Variants in NOL8 observed in about 807,000 individuals in gnomAD.
NOL8 encodes the protein nucleolar protein Nop132.
In NOL8, 93 loss-of-function variants were observed where a neutral mutation model predicts 116.1. The observed-to-expected ratio is 0.80, with a 90% CI of 0.68 to 0.95. NOL8 has a LOEUF of 0.95. Among genes scored for constraint, NOL8 ranks in the 40% least tolerant of loss-of-function variants. NOL8 has a pLI of 0.00. For missense variants in NOL8, 1,291 were observed against 1,382.8 expected (o/e 0.93, Z 1.05); for synonymous variants, 419 against 469.0 (o/e 0.89, Z 1.38).
chr9:92,314,120 C>A, intron 7 of NOL8, 147 bp downstream of exon 7: 1 of 1,240,094 alleles, frequency 8.1e-7, no homozygotes, highest in Non-Finnish European at 1.0e-6. Context: ...TCAGATAAAC[C>A]AGATGAAAAA....
intron 13 of NOL8, chr9:92,300,678 G>C (rs1022329807): frequency 9.4e-7 from 1 of 1,068,524 alleles, no homozygotes. Context: ...AGAAAATGAA[G>C]TCTTATTTGC....
chr9:92,303,378 A>G (rs1033592858), intron 12 of NOL8, among the ~76,000 whole-genome samples: 1 of 152,208 alleles, frequency 6.6e-6, no homozygotes, highest in Non-Finnish European at 1.5e-5. Context: ...AGGGGGAAAA[A>G]CAAACATCAT....
chr9:92,299,369 C>G (rs892633207), intron 14 of NOL8, among the ~76,000 whole-genome samples: 3 of 152,198 alleles, frequency 2.0e-5, no homozygotes, highest in African/African-American at 7.2e-5. Flanking sequence ...CTTTTCTATG[C>G]ACAAACTATC....
chr9:92,319,137 T>A (rs1410892181), intron 5 of NOL8, 84 bp downstream of exon 5: 2 of 1,409,130 alleles, frequency 1.4e-6, no homozygotes, highest in Non-Finnish European at 1.9e-6. Context: ...GTAACTGGTT[T>A]TAGACATGAC....
chr9:92,302,286 T>C (rs1837820975), intron 12 of NOL8, among the ~76,000 whole-genome samples: 1 of 152,208 alleles, frequency 6.6e-6, no homozygotes, highest in Non-Finnish European at 1.5e-5. Context: ...TAGTGTCTTT[T>C]GAAATGAAAT....
chr9:92,303,151 C>T (rs1837897850), intron 12 of NOL8, among the ~76,000 whole-genome samples: 1 of 151,694 alleles, frequency 6.6e-6, no homozygotes, highest in Non-Finnish European at 1.5e-5. Flanking sequence ...TAAAGGGAGC[C>T]AGGAATTCAT....
At chr9:92,299,431 A>G (rs1002593663) in intron 14 of NOL8, among the ~76,000 whole-genome samples, 4 of 152,206 alleles carry the variant, frequency 2.6e-5, no homozygotes, top group African/African-American at 9.6e-5. Context: ...ACTCTCCATT[A>G]TAAAAAGGCT....
In NOL8 at chr9:92,297,831, A is replaced by G; in HGVS notation, c.*5T>C. The G allele has an allele frequency of 6.5e-7, 1 of 1,547,726 alleles. No homozygotes were observed. Among genetic ancestry groups the G allele is most frequent in the Non-Finnish European group, 8.7e-7 (1 of 1,144,588 alleles). On this transcript the variant is annotated 3_prime_UTR_variant, in exon 17 of 17. Transcript: ENST00000442668. ...ACATTCAGTATCAAAACCAGCTGACATTTATTATTTTGGTTTCATTTTCCT... is the reference window on the plus strand; with the variant it reads ...ACATTCAGTATCAAAACCAGCTGACGTTTATTATTTTGGTTTCATTTTCCT...
At chr9:92,325,208 T>C (rs1367999955) in intron 1 of NOL8, 98 bp downstream of exon 1, 1 of 152,212 alleles carries the variant, frequency 6.6e-6, no homozygotes, top group Admixed American at 6.6e-5. Context: ...GCCCCCAGCC[T>C]ACCCACGGCA....
chr9:92,310,606 C>T lies in NOL8; in HGVS notation c.2542G>A (p.Asp848Asn), dbSNP rs751277971. 6.2e-7 allele frequency: 1 copy of T among 1,613,352 alleles called. No homozygotes were observed. Among genetic ancestry groups the T allele is most frequent in the East Asian group, 2.2e-5 (1 of 44,866 alleles). ...GGTTTAATTTTGAACCTATTACTGTCATCTTCAGAATCAGATTCGTCATCA... is the reference window on the plus strand; with the variant it reads ...GGTTTAATTTTGAACCTATTACTGTTATCTTCAGAATCAGATTCGTCATCA... ...SDDDESDSED[D>N]SNRFKIKPQF... The change falls in exon 9 of 17, where the codon GAC becomes AAC. Residue 848 changes from aspartate to asparagine, a missense_variant. Asp to Asn is a conservative substitution (Grantham distance 23). Transcript: ENST00000442668.
intron 13 of NOL8, 93 bp downstream of exon 13, chr9:92,301,458 C>T (rs1837734499): frequency 1.0e-6 from 1 of 968,292 alleles, no homozygotes; most frequent in Non-Finnish European, 1.5e-6. Context: ...GTCCTTTCTT[C>T]AGCTAACATG....
rs954439221 is a variant in NOL8, at chr9:92,300,281, G to C, written c.3176-265C>G. The C allele has an allele frequency of 2.5e-5, 26 of 1,021,058 alleles. 1 individual carries two copies. In the South Asian group the frequency reaches 5.1e-4, roughly 20 times the overall value. The allele number at this position is 1,021,058 out of a possible 1,614,324, so 63.2% of individuals were successfully genotyped here. A position where few individuals can be genotyped will look rare whatever the true frequency, so the allele number is the denominator to read the frequency against. On this transcript the variant is annotated intron_variant, in intron 13 of 16. Transcript: ENST00000442668. ...ATATAAAAAAGGTTTAAAAAATAAA[G>C]GTTTATAAATGAGCTATATAATTTT...
rs534640934 is a variant in NOL8 at position 92,314,194 on chromosome 9, A to G, written c.2358+73T>C. ...AAGACAATCAGCTCTATGGGGGCAC[A>G]CCTAACTTCATGGGAAAGAAAAGCT... On this transcript the variant is annotated intron_variant, in intron 7 of 16. Coordinates refer to ENST00000442668, the MANE Select transcript of NOL8 (RefSeq NM_017948.6). 19 of 1,491,538 alleles carry G rather than the reference A, an allele frequency of 1.3e-5. 1 individual carries two copies. The Admixed American group carries it at 3.9e-4, about 31-fold the overall frequency. The allele number at this position is 1,491,538 out of a possible 1,614,324, so 92.4% of individuals were successfully genotyped here.
intron 13 of NOL8, among the ~76,000 whole-genome samples, chr9:92,301,128 T>C (rs994361245): frequency 6.6e-6 from 1 of 152,224 alleles, no homozygotes; most frequent in African/African-American, 2.4e-5. Context: ...ATAACTGGCA[T>C]ATTGATGACA....
chr9:92,297,826 C>A lies in NOL8; in HGVS notation c.*10G>T. On this transcript the variant is annotated 3_prime_UTR_variant, in exon 17 of 17. Transcript: ENST00000442668. ...TGTTCACATTCAGTATCAAAACCAG[C>A]TGACATTTATTATTTTGGTTTCATT... The A allele has an allele frequency of 6.5e-7, 1 of 1,546,288 alleles. No homozygotes were observed.
chr9:92,315,775 TA>T lies in NOL8; in HGVS notation c.849del (p.Phe283LeufsTer26). 6.2e-7 allele frequency: 1 copy of T among 1,613,730 alleles called. No individual in the cohort carries two copies. Among genetic ancestry groups the T allele is most frequent in the Non-Finnish European group, 8.5e-7 (1 of 1,179,780 alleles). ...TTGGCAGTTTCCAAGCCAGAAGTCT[TA>T]AAAGGTAGATTTTTAAGTTTCTGAG... Reference protein sequence around the residue: ...SDTQKLKNLPFKTSGLETAKK... With the variant: ...SDTQKLKNLPXKTSGLETAKK... On this transcript the variant is annotated frameshift_variant, in exon 7 of 17. Coordinates refer to ENST00000442668, the MANE Select transcript of NOL8 (RefSeq NM_017948.6). LOFTEE classifies it high-confidence loss of function.
intron 7 of NOL8, among the ~76,000 whole-genome samples, chr9:92,312,485 C>G (rs1838900136): frequency 7.1e-6 from 1 of 139,888 alleles, no homozygotes; most frequent in Non-Finnish European, 1.5e-5. Flanking sequence ...ACAATCAACA[C>G]TGGGGTCTAC....
At chr9:92,322,339 G>C (rs553205378) in intron 3 of NOL8, among the ~76,000 whole-genome samples, 4 of 152,170 alleles carry the variant, frequency 2.6e-5, no homozygotes, top group Non-Finnish European at 4.4e-5. Flanking sequence ...AATTTTGTAG[G>C]TGGTAGATAC....
At position 92,298,463 on chromosome 9, in the gene NOL8, A is replaced by G. The variant is rs139611474; in HGVS notation, c.3374-127T>C. ...CATTCTTTTCCCTCAGTTTCTACCT[A>G]TTTTCAAAAATTAGTATTTTTTCTT... On this transcript the variant is annotated intron_variant, in intron 15 of 16. Transcript: ENST00000442668. 18 of 574,094 alleles carry G rather than the reference A, an allele frequency of 3.1e-5. No homozygotes were observed. In the East Asian group the frequency reaches 5.5e-4, roughly 18 times the overall value. The allele number at this position is 574,094 out of a possible 1,614,324, so 35.6% of individuals were successfully genotyped here. A position where few individuals can be genotyped will look rare whatever the true frequency, so the allele number is the denominator to read the frequency against.
Sources: allele counts gnomAD v4.1 joint callset (sites outside exome capture counted in the v4.1 genomes callset), GRCh38; gene constraint gnomAD v4.1.1; transcripts MANE v1.5; gene names NCBI Gene and HGNC (gene_info 2026-07-23, HGNC 2026-07-21).